The following ERC2 variants were observed in gnomAD, a reference collection of about 807,000 sequenced individuals.
ERC2 encodes the protein ERC protein 2.
A neutral mutation model predicts 114.8 loss-of-function variants in ERC2; 42 were observed. That is an observed-to-expected ratio of 0.37 (90% CI 0.29 to 0.47). The LOEUF is 0.47. Ranked by LOEUF, ERC2 falls within the 20% of genes least tolerant of loss-of-function variation. ERC2 has a pLI of 0.99. For missense variants in ERC2, 939 were observed against 1,150.7 expected (o/e 0.82, Z 2.66); for synonymous variants, 454 against 425.5 (o/e 1.07, Z -0.82).
intron 17 of ERC2, among the ~76,000 whole-genome samples, chr3:55,640,257 G>A (rs1203648687): frequency 6.6e-6 from 1 of 152,182 alleles, no homozygotes. Flanking sequence ...TGAGATTCCA[G>A]GTTTTTCTAC....
intron 17 of ERC2, among the ~76,000 whole-genome samples, chr3:55,629,701 A>G (rs1239832331): frequency 6.6e-6 from 1 of 152,252 alleles, no homozygotes; most frequent in East Asian, 1.9e-4. Flanking sequence ...GGTACTTCTC[A>G]TGAATAGATG....
At chr3:55,853,021 A>G (rs894247338) in intron 14 of ERC2, among the ~76,000 whole-genome samples, 1 of 151,972 alleles carries the variant, frequency 6.6e-6, no homozygotes, top group African/African-American at 2.4e-5. Context: ...TCCCCATCCC[A>G]CTGTCCAGTT....
chr3:56,085,368 A>G (rs2077450047), intron 6 of ERC2, among the ~76,000 whole-genome samples: 2 of 152,202 alleles, frequency 1.3e-5, no homozygotes, highest in Admixed American at 1.3e-4. Context: ...CCCAAGCCCT[A>G]ATGGCCCTGA....
chr3:56,087,971 C>T (rs531719197), intron 6 of ERC2, among the ~76,000 whole-genome samples: 1 of 152,264 alleles, frequency 6.6e-6, no homozygotes, highest in African/African-American at 2.4e-5. Context: ...CTAGTTCTCA[C>T]TCACATCCAA....
At chr3:56,310,679 C>T (rs990480095) in intron 2 of ERC2, among the ~76,000 whole-genome samples, 18 of 152,108 alleles carry the variant, frequency 1.2e-4, no homozygotes, top group South Asian at 6.2e-4. Flanking sequence ...TCTTGAGTCA[C>T]TCCAACCCTG....
intron 7 of ERC2, among the ~76,000 whole-genome samples, chr3:56,041,826 C>A (rs2075208556): frequency 6.6e-6 from 1 of 152,072 alleles, no homozygotes; most frequent in Admixed American, 6.6e-5. Context: ...GATTGCCTGT[C>A]GTACTATTTT....
At chr3:55,630,993 A>T (rs1337242739) in intron 17 of ERC2, among the ~76,000 whole-genome samples, 3 of 152,134 alleles carry the variant, frequency 2.0e-5, no homozygotes, top group Non-Finnish European at 4.4e-5. Context: ...GGAAGGTAAC[A>T]ACTTCCAGAT....
intron 14 of ERC2, among the ~76,000 whole-genome samples, chr3:55,822,739 G>A (rs2149160494): frequency 6.6e-6 from 1 of 150,996 alleles, no homozygotes; most frequent in East Asian, 2.0e-4. Context: ...TCAGCCTCCC[G>A]AGTAGCTGGG....
At chr3:56,071,606 C>T (rs1012882583) in intron 7 of ERC2, among the ~76,000 whole-genome samples, 7 of 152,268 alleles carry the variant, frequency 4.6e-5, no homozygotes, top group Middle Eastern at 3.4e-3. Context: ...CCTGTAGATG[C>T]TGAATGAATG....
intron 13 of ERC2, among the ~76,000 whole-genome samples, chr3:55,893,608 C>T (rs1373540948): frequency 1.3e-5 from 2 of 152,168 alleles, no homozygotes; most frequent in African/African-American, 4.8e-5. Flanking sequence ...CTAACACATC[C>T]ACCATTTTGG....
At chr3:55,625,689 T>TG (rs2059494780) in intron 17 of ERC2, among the ~76,000 whole-genome samples, 1 of 152,000 alleles carries the variant, frequency 6.6e-6, no homozygotes, top group African/African-American at 2.4e-5. Flanking sequence ...AGGCGGAGTT[T>TG]GCAGTGAGCC....
intron 4 of ERC2, among the ~76,000 whole-genome samples, chr3:56,168,583 T>C (rs1190983793): frequency 1.3e-5 from 2 of 152,188 alleles, no homozygotes; most frequent in Non-Finnish European, 2.9e-5. Flanking sequence ...CTGAGTAGTC[T>C]AGGTTTGCCT....
intron 15 of ERC2, among the ~76,000 whole-genome samples, chr3:55,723,695 A>G (rs576795942): frequency 1.3e-5 from 2 of 152,310 alleles, no homozygotes; most frequent in South Asian, 4.1e-4. Context: ...AATTTTCAGG[A>G]AAAAAATCCT....
intron 17 of ERC2, among the ~76,000 whole-genome samples, chr3:55,661,314 CTG>C (rs1417147297): frequency 6.6e-6 from 1 of 152,210 alleles, no homozygotes; most frequent in African/African-American, 2.4e-5. Flanking sequence ...ATTCAGGTCA[CTG>C]GCAGAATTCA....
intron 10 of ERC2, among the ~76,000 whole-genome samples, chr3:56,004,476 A>G (rs547575828): frequency 9.9e-5 from 15 of 152,214 alleles, no homozygotes; most frequent in African/African-American, 3.6e-4. Flanking sequence ...TTGTCATCAC[A>G]AAGTATTGAA....
At chr3:55,728,228 C>A (rs2065039306) in intron 15 of ERC2, among the ~76,000 whole-genome samples, 1 of 152,256 alleles carries the variant, frequency 6.6e-6, no homozygotes, top group South Asian at 2.1e-4. Context: ...AGCAAAAACT[C>A]ATGTTACCAT....
chr3:55,786,675 T>C (rs1324514198), intron 14 of ERC2, among the ~76,000 whole-genome samples: 1 of 152,146 alleles, frequency 6.6e-6, no homozygotes, highest in Non-Finnish European at 1.5e-5. Flanking sequence ...TCACATAAAC[T>C]CAACTCCGTC....
intron 15 of ERC2, among the ~76,000 whole-genome samples, chr3:55,704,221 C>A (rs1324751496): frequency 6.6e-6 from 1 of 152,180 alleles, no homozygotes; most frequent in African/African-American, 2.4e-5. Context: ...CCTTGATCGA[C>A]TAGTAATAGA....
At chr3:55,950,225 C>T (rs538304929) in intron 13 of ERC2, among the ~76,000 whole-genome samples, 200 bp downstream of exon 13, 4 of 152,284 alleles carry the variant, frequency 2.6e-5, no homozygotes, top group African/African-American at 7.2e-5. Flanking sequence ...CAGGCTCTAC[C>T]GTAATTGGCT....
Sources: allele counts gnomAD v4.1 joint callset (sites outside exome capture counted in the v4.1 genomes callset), GRCh38; gene constraint gnomAD v4.1.1; transcripts MANE v1.5; gene names NCBI Gene and HGNC (gene_info 2026-07-23, HGNC 2026-07-21).